The following GUCY1A2 variants were observed in gnomAD, a reference collection of about 807,000 sequenced individuals.
GUCY1A2 encodes guanylate cyclase soluble subunit alpha-2.
GUCY1A2 carries 27 observed loss-of-function variants against 63.5 expected under a neutral mutation model. The observed-to-expected ratio is 0.43, with a 90% CI of 0.31 to 0.59. The LOEUF is 0.59. Ranked by LOEUF, GUCY1A2 falls within the 20% of genes least tolerant of loss-of-function variation. GUCY1A2 has a pLI of 0.11. For missense variants in GUCY1A2, 768 were observed against 913.3 expected (o/e 0.84, Z 2.05); for synonymous variants, 364 against 343.5 (o/e 1.06, Z -0.66).
chr11:107,017,251 G>A (rs118101296), intron 1 of GUCY1A2, among the ~76,000 whole-genome samples: 2,059 of 152,286 alleles, frequency 0.014, 29 homozygotes, highest in South Asian at 0.044. Flanking sequence ...ATAGCCTGTG[G>A]AATTCAAAGA....
intron 2 of GUCY1A2, 102 bp from the exon 3 acceptor site, chr11:106,978,842 A>G: frequency 1.5e-6 from 1 of 673,196 alleles, no homozygotes; most frequent in Non-Finnish European, 2.5e-6. Context: ...TGCTTTCATC[A>G]TAGTCACATT....
chr11:107,003,976 G>A (rs1861640909), intron 1 of GUCY1A2, among the ~76,000 whole-genome samples: 1 of 152,184 alleles, frequency 6.6e-6, no homozygotes, highest in Non-Finnish European at 1.5e-5. Flanking sequence ...TGATCTCAGA[G>A]TTGCCTAAAT....
At chr11:106,937,006 CTG>C (rs1238413245) in intron 4 of GUCY1A2, among the ~76,000 whole-genome samples, 1 of 151,970 alleles carries the variant, frequency 6.6e-6, no homozygotes, top group East Asian at 1.9e-4. Flanking sequence ...TTTTAATAAA[CTG>C]TAAATGTGAA....
intron 7 of GUCY1A2, among the ~76,000 whole-genome samples, chr11:106,690,341 TA>T (rs60160913): frequency 0.23 from 34,785 of 151,994 alleles, 4,236 homozygotes; most frequent in African/African-American, 0.3. Context: ...TATGCAGCCA[TA>T]AAAAAAGAAT....
intron 5 of GUCY1A2, among the ~76,000 whole-genome samples, chr11:106,802,870 C>T (rs903928444): frequency 2.6e-5 from 4 of 152,136 alleles, no homozygotes; most frequent in African/African-American, 9.7e-5. Context: ...AATAATATCA[C>T]ATTAAGTAGG....
At chr11:106,811,396 C>T (rs1269077843) in intron 4 of GUCY1A2, among the ~76,000 whole-genome samples, 1 of 152,006 alleles carries the variant, frequency 6.6e-6, no homozygotes, top group African/African-American at 2.4e-5. Flanking sequence ...AAACTAAGCA[C>T]ACCTGGAGAA....
At chr11:106,758,425 G>A (rs1326364302) in intron 6 of GUCY1A2, among the ~76,000 whole-genome samples, 1 of 152,186 alleles carries the variant, frequency 6.6e-6, no homozygotes. Context: ...GGCTAGGAAA[G>A]GGAAATCCCC....
At chr11:106,882,489 G>GA (rs1565319338) in intron 4 of GUCY1A2, among the ~76,000 whole-genome samples, 1 of 151,730 alleles carries the variant, frequency 6.6e-6, no homozygotes, top group Non-Finnish European at 1.5e-5. Context: ...GAAGAAAGAG[G>GA]AAAAAAAGTT....
chr11:106,951,028 G>A (rs570710557), intron 3 of GUCY1A2, among the ~76,000 whole-genome samples: 6 of 152,242 alleles, frequency 3.9e-5, no homozygotes, highest in East Asian at 3.9e-4. Context: ...TGCTGAGAAC[G>A]ATGGCTTCCA....
chr11:106,776,403 C>G, intron 6 of GUCY1A2, 36 bp downstream of exon 6: 2 of 1,259,012 alleles, frequency 1.6e-6, no homozygotes. Context: ...GTTAATGGTG[C>G]ACTTACTACT....
At chr11:106,744,761 G>A (rs1863757464) in intron 6 of GUCY1A2, among the ~76,000 whole-genome samples, 1 of 152,102 alleles carries the variant, frequency 6.6e-6, no homozygotes, top group Non-Finnish European at 1.5e-5. Context: ...GGGGGATGGG[G>A]CAGAACTTAT....
At chr11:106,879,451 TAA>T (rs1451114300) in intron 4 of GUCY1A2, among the ~76,000 whole-genome samples, 1 of 152,100 alleles carries the variant, frequency 6.6e-6, no homozygotes, top group Non-Finnish European at 1.5e-5. Flanking sequence ...ATGGAAGAGT[TAA>T]GTTTGTTGGG....
chr11:106,758,245 A>G (rs1864007169), intron 6 of GUCY1A2, among the ~76,000 whole-genome samples: 1 of 152,188 alleles, frequency 6.6e-6, no homozygotes, highest in South Asian at 2.1e-4. Context: ...TAGCAGTGAG[A>G]ATTTCAAGTC....
At chr11:106,799,975 T>G (rs1864843102) in intron 5 of GUCY1A2, among the ~76,000 whole-genome samples, 1 of 151,874 alleles carries the variant, frequency 6.6e-6, no homozygotes, top group African/African-American at 2.4e-5. Context: ...TGGGAGAAAA[T>G]TTTTGCAATT....
At chr11:106,985,309 A>G (rs1458728004) in intron 2 of GUCY1A2, among the ~76,000 whole-genome samples, 1 of 152,242 alleles carries the variant, frequency 6.6e-6, no homozygotes, top group African/African-American at 2.4e-5. Flanking sequence ...ATTTAATCTA[A>G]AAGCTAGATT....
chr11:107,001,994 G>C (rs12282093), intron 1 of GUCY1A2, among the ~76,000 whole-genome samples: 8,346 of 151,628 alleles, frequency 0.055, 693 homozygotes, highest in African/African-American at 0.19. Context: ...ACAGCAGCCT[G>C]GGCGACAGAG....
chr11:106,839,850 G>A (rs1304566087), intron 4 of GUCY1A2, among the ~76,000 whole-genome samples: 3 of 135,646 alleles, frequency 2.2e-5, no homozygotes, highest in Admixed American at 7.9e-5. Context: ...CACACACCGG[G>A]GCCTGTTGTG....
intron 4 of GUCY1A2, among the ~76,000 whole-genome samples, chr11:106,884,794 T>C (rs1393393167): frequency 2.0e-5 from 3 of 152,090 alleles, no homozygotes; most frequent in Non-Finnish European, 4.4e-5. Context: ...AAAAAGACAC[T>C]TCATATCAGA....
chr11:106,745,990 A>G (rs1215121411), intron 6 of GUCY1A2, among the ~76,000 whole-genome samples: 1 of 152,176 alleles, frequency 6.6e-6, no homozygotes, highest in Admixed American at 6.5e-5. Flanking sequence ...TATAGAAACA[A>G]ATGGCGAATT....
Sources: gnomAD v4.1 joint callset for allele counts (sites outside exome capture counted in the v4.1 genomes callset) on GRCh38, gnomAD v4.1.1 for gene constraint, MANE v1.5 for transcripts, NCBI Gene and HGNC (gene_info 2026-07-23, HGNC 2026-07-21) for gene names.